The following ERCC6 variants were observed in gnomAD, a reference collection of about 807,000 sequenced individuals.
ERCC6 encodes the protein ERCC excision repair 6, chromatin remodeling factor, also known as DNA excision repair protein ERCC-6.
In ERCC6, 116 loss-of-function variants were observed where a neutral mutation model predicts 158.7. That is an observed-to-expected ratio of 0.73 (90% CI 0.63 to 0.85). The LOEUF (loss-of-function observed/expected upper bound fraction) is 0.85, where lower values mean the gene tolerates loss of function less well. Among genes scored for constraint, ERCC6 ranks in the 40% least tolerant of loss-of-function variants. ERCC6 has a pLI of 0.00. For missense variants in ERCC6, 1,698 were observed against 1,799.4 expected (o/e 0.94, Z 1.02); for synonymous variants, 678 against 659.3 (o/e 1.03, Z -0.43).
intron 10 of ERCC6, among the ~76,000 whole-genome samples, chr10:49,478,963 G>A (rs1260249058): frequency 6.6e-6 from 1 of 152,124 alleles, no homozygotes; most frequent in Non-Finnish European, 1.5e-5. Flanking sequence ...CAGCCAATAA[G>A]CAGAGATTAC....
chr10:49,539,396 A>G (rs1837684932), upstream of ERCC6: 1 of 152,340 alleles, frequency 6.6e-6, no homozygotes, highest in African/African-American at 2.4e-5. Context: ...TGAACCCTGC[A>G]GAGAAAGTCA....
intron 5 of ERCC6, among the ~76,000 whole-genome samples, chr10:49,513,788 C>T (rs550699937): frequency 7.9e-5 from 12 of 152,228 alleles, no homozygotes; most frequent in African/African-American, 2.9e-4. Context: ...GACTACAATT[C>T]AAGATGAGAT....
At chr10:49,532,443 A>G in intron 2 of ERCC6, 100 bp downstream of exon 2, 1 of 1,567,232 alleles carries the variant, frequency 6.4e-7, no homozygotes, top group Non-Finnish European at 8.6e-7. Context: ...AAGGTTCTAC[A>G]CATCTCCTAA....
At chr10:49,534,154 A>AAAAAAAAAAAAC (rs71026254) in intron 1 of ERCC6, among the ~76,000 whole-genome samples, 1 of 148,214 alleles carries the variant, frequency 6.7e-6, no homozygotes, top group African/African-American at 2.5e-5. Context: ...AAAAAAAAAA[A>AAAAAAAAAAAAC]CAAAAAAAAA....
At chr10:49,462,218 T>C (rs1177985265) in intron 18 of ERCC6, among the ~76,000 whole-genome samples, 1 of 152,200 alleles carries the variant, frequency 6.6e-6, no homozygotes, top group Non-Finnish European at 1.5e-5. Flanking sequence ...TAGATTGAAC[T>C]GCATTTGGAA....
In ERCC6 at chr10:49,458,972, T is replaced by G. The variant is rs1034343100; in HGVS notation, c.4325A>C (p.Asp1442Ala). 2.6e-5 allele frequency: 42 copies of G among 1,614,076 alleles called. No individual in the cohort carries two copies. Among genetic ancestry groups the G allele is most frequent in the Non-Finnish European group, 3.2e-5 (38 of 1,180,050 alleles). The change falls in exon 21 of 21, where the codon GAT becomes GCT. Residue 1442 changes from aspartate to alanine, a missense_variant. By Grantham distance (126) the Asp-to-Ala change is moderately radical (BLOSUM62 -2). Transcript: ENST00000355832. ...RNFIAFQAHT[D>A]GQASTREILQ... ...TATCTCCCTGGTGCTGGCCTGGCCATCAGTGTGGGCCTGGAAAGCGATGAA... is the reference window on the plus strand; with the variant it reads ...TATCTCCCTGGTGCTGGCCTGGCCAGCAGTGTGGGCCTGGAAAGCGATGAA...
chr10:49,482,591 T>C, intron 10 of ERCC6, 96 bp downstream of exon 10: 1 of 1,051,042 alleles, frequency 9.5e-7, no homozygotes, highest in Non-Finnish European at 1.4e-6. Flanking sequence ...TGGCCATCTT[T>C]CTCACATTCT....
At chr10:49,449,891 G>A (rs565760040), downstream of ERCC6, among the ~76,000 whole-genome samples, 2 of 150,510 alleles carry the variant, frequency 1.3e-5, no homozygotes, top group East Asian at 1.9e-4. Flanking sequence ...TCTTTTTTTT[G>A]AGATAGGGTC....
In ERCC6 at chr10:49,524,111, C is replaced by T. The variant is rs1317771897; in HGVS notation, c.1319G>A (p.Gly440Glu). 1 of 1,614,044 alleles carries T rather than the reference C, an allele frequency of 6.2e-7. No individual in the cohort carries two copies. The highest frequency in any genetic ancestry group is 2.2e-5 in the East Asian group (1 of 44,884). Residue 440 changes from glycine (G) to glutamate (E), a missense_variant, in exon 5 of 21, where the codon GGA (glycine) becomes GAA (glutamate). Transcript: ENST00000355832. ...SGEEAEAASV[G>E]EGGGGGRKVG... Reference sequence around the variant, plus strand: ...TTTCCGACCTCCTCCTCCTCCTTCTCCTACAGAAGCAGCTTCAGCTTCTTC... The same window carrying T: ...TTTCCGACCTCCTCCTCCTCCTTCTTCTACAGAAGCAGCTTCAGCTTCTTC...
rs1239915670 is a variant in ERCC6 at position 49,500,530 on chromosome 10, G to A, written c.1685+8C>T. ...CCACAGACTGACAGTCTGCAGAGGA[G>A]CACTTGCCTGTAATTTGAACCACGA... On this transcript the variant is annotated splice_region_variant and intron_variant, in intron 7 of 20. Coordinates refer to ENST00000355832, the MANE Select transcript of ERCC6 (RefSeq NM_000124.4). 3.7e-6 allele frequency: 6 copies of A among 1,613,506 alleles called. No individual in the cohort carries two copies. In the South Asian group the frequency reaches 4.4e-5, roughly 12 times the overall value.
intron 20 of ERCC6, chr10:49,459,874 TCAGAAAGAC>T (rs1850547174): frequency 5.4e-6 from 1 of 185,230 alleles, no homozygotes; most frequent in African/African-American, 2.4e-5. Context: ...TAATCCTTAA[TCAGAAAGAC>T]CAGAAAGACT....
chr10:49,437,028 C>A, the ERCC6 span, among the ~76,000 whole-genome samples: 2 of 152,116 alleles, frequency 1.3e-5, no homozygotes, highest in Non-Finnish European at 1.5e-5. Flanking sequence ...GGGAAGCACC[C>A]GGTGAGAGAT....
chr10:49,483,345 CCT>C lies in ERCC6; in HGVS notation c.1991_1992del (p.Gln664LeufsTer17). 6.2e-7 allele frequency: 1 copy of C among 1,614,062 alleles called. No homozygotes were observed. The highest frequency in any genetic ancestry group is 8.5e-7 in the Non-Finnish European group (1 of 1,179,954). ...ATCTCCCTTGTTAAAAGAGGTCATACCTGTTTGCAAGCAAGGGTGACAGCAGC... is the reference window on the plus strand; with the variant it reads ...ATCTCCCTTGTTAAAAGAGGTCATACGTTTGCAAGCAAGGGTGACAGCAGC... The part of the protein sequence containing the change: ...PNAAVTLACK[Q>X]FRTPHRIILS... On this transcript the variant is annotated frameshift_variant and splice_region_variant, in exon 9 of 21. Transcript: ENST00000355832. LOFTEE classifies it high-confidence loss of function.
Position 49,470,327 on chromosome 10 carries a change from A to G in ERCC6, c.3633T>C (p.His1211=), listed in dbSNP as rs762497840. 6.2e-7 allele frequency: 1 copy of G among 1,614,166 alleles called. No homozygotes were observed. Among genetic ancestry groups the G allele is most frequent in the Non-Finnish European group, 8.5e-7 (1 of 1,180,008 alleles). ...TTCCTTCAAACTTGGCGTCTCTGCA[A>G]TGCTTAGAGTTCTTAGGCTTTTGCT... ...RPKQKPKNSK[H]CRDAKFEGTR... The change falls in exon 18 of 21, where the codon CAT becomes CAC. Residue 1211 remains histidine, a synonymous_variant. Transcript: ENST00000355832.
Position 49,524,779 on chromosome 10 carries a change from T to A in ERCC6, c.653-2A>T. Reference sequence around the variant, plus strand: ...TGCCAAGACTGGATGGCCCCGGCTCTGAAAGAACAATAGCAATGCGTTTCG... The same window carrying A: ...TGCCAAGACTGGATGGCCCCGGCTCAGAAAGAACAATAGCAATGCGTTTCG... On this transcript the variant is annotated splice_acceptor_variant, in intron 4 of 20. Coordinates refer to ENST00000355832, the MANE Select transcript of ERCC6 (RefSeq NM_000124.4). LOFTEE classifies it high-confidence loss of function. 1 of 1,600,854 alleles carries A rather than the reference T, an allele frequency of 6.2e-7. No homozygotes were observed. Among genetic ancestry groups the A allele is most frequent in the Non-Finnish European group, 8.5e-7 (1 of 1,179,930 alleles).
intron 4 of ERCC6, among the ~76,000 whole-genome samples, chr10:49,526,109 A>T (rs866812185): frequency 0.01 from 659 of 65,498 alleles, 30 homozygotes; most frequent in African/African-American, 0.041. Flanking sequence ...TTATATATTT[A>T]TATATTTTTA....
the ERCC6 span, among the ~76,000 whole-genome samples, chr10:49,439,101 CTCT>C: frequency 2.3e-3 from 350 of 152,284 alleles, no homozygotes; most frequent in African/African-American, 7.6e-3. Context: ...GACAGTGGCC[CTCT>C]TCTTATAGCT....
the ERCC6 span, among the ~76,000 whole-genome samples, chr10:49,443,430 G>A: frequency 1.3e-5 from 2 of 152,188 alleles, no homozygotes; most frequent in Admixed American, 1.3e-4. Flanking sequence ...GGTCCCAAAA[G>A]ACTATAATAG....
intron 6 of ERCC6, chr10:49,503,420 C>T (rs565645409): frequency 2.0e-5 from 3 of 152,242 alleles, no homozygotes; most frequent in African/African-American, 7.2e-5. Flanking sequence ...TACTAGGCAG[C>T]ATGTAAGTCA....
Sources: allele counts gnomAD v4.1 joint callset (sites outside exome capture counted in the v4.1 genomes callset), GRCh38; gene constraint gnomAD v4.1.1; transcripts MANE v1.5; gene names NCBI Gene and HGNC (gene_info 2026-07-23, HGNC 2026-07-21).